Variants in RIMS4 observed in about 807,000 individuals in gnomAD.
The protein encoded by RIMS4 is regulating synaptic membrane exocytosis protein 4.
RIMS4 carries 9 observed loss-of-function variants against 29.0 expected under a neutral mutation model. The ratio of observed to expected loss-of-function variants is 0.31; its 90% CI spans 0.19 to 0.54. RIMS4 has a LOEUF of 0.54. RIMS4 is among the 20% of genes least tolerant of loss of function. The probability of loss-of-function intolerance (pLI) is 0.94; values close to 1 mark genes in which losing one functional copy is unlikely to be tolerated. For missense variants in RIMS4, 193 were observed against 365.7 expected (o/e 0.53, Z 3.85); for synonymous variants, 130 against 152.9 (o/e 0.85, Z 1.10).
intron 2 of RIMS4, among the ~76,000 whole-genome samples, chr20:44,764,260 A>ATCCATCCATCTATCCATCCATC (rs1555859479): frequency 6.6e-6 from 1 of 151,786 alleles, no homozygotes; most frequent in Non-Finnish European, 1.5e-5. Context: ...CCATCCTCCC[A>ATCCATCCATCTATCCATCCATC]CAAACTCACC....
At chr20:44,800,659 C>T (rs2066274014) in intron 1 of RIMS4, among the ~76,000 whole-genome samples, 2 of 152,082 alleles carry the variant, frequency 1.3e-5, no homozygotes, top group East Asian at 1.9e-4. Flanking sequence ...AAAGGAGGAA[C>T]TGGAGGGCCT....
chr20:44,802,505 C>T (rs1324501673), intron 1 of RIMS4, among the ~76,000 whole-genome samples: 2 of 152,186 alleles, frequency 1.3e-5, no homozygotes, highest in Non-Finnish European at 2.9e-5. Flanking sequence ...GGGTCTCTCA[C>T]ACCTACATCA....
chr20:44,778,553 T>C (rs1349490688), intron 1 of RIMS4, among the ~76,000 whole-genome samples: 4 of 152,216 alleles, frequency 2.6e-5, no homozygotes, highest in African/African-American at 9.6e-5. Flanking sequence ...TAGTCCCAGC[T>C]ACTCAGGAGG....
At chr20:44,781,476 T>C (rs1217208348) in intron 1 of RIMS4, among the ~76,000 whole-genome samples, 2 of 152,208 alleles carry the variant, frequency 1.3e-5, no homozygotes, top group South Asian at 2.1e-4. Flanking sequence ...TCATTGTACA[T>C]GCAAGCACTA....
At chr20:44,764,066 T>TC (rs2066098535) in intron 2 of RIMS4, among the ~76,000 whole-genome samples, 1 of 70,838 alleles carries the variant, frequency 1.4e-5, no homozygotes, top group African/African-American at 6.3e-5. Context: ...ATCCATCCAT[T>TC]TATCCATCCA....
chr20:44,752,795 A>T lies in RIMS4; in HGVS notation c.*3339T>A, dbSNP rs953836059. 1 of 152,162 alleles carries T rather than the reference A, an allele frequency of 6.6e-6. No individual in the cohort carries two copies. Among genetic ancestry groups the T allele is most frequent in the Non-Finnish European group, 1.5e-5 (1 of 68,120 alleles). 9.4% of individuals were successfully genotyped at this position (152,162 alleles called of 1,614,324 possible). Reference sequence around the variant, plus strand: ...CCCAGGCAGGAGCTGGTGTTTCCTAACTCTCCCTCCAGTTGGTCCTGAAGA... The same window carrying T: ...CCCAGGCAGGAGCTGGTGTTTCCTATCTCTCCCTCCAGTTGGTCCTGAAGA... On this transcript the variant is annotated 3_prime_UTR_variant, in exon 6 of 6. Coordinates refer to ENST00000372851, the MANE Select transcript of RIMS4 (RefSeq NM_182970.4).
intron 2 of RIMS4, among the ~76,000 whole-genome samples, chr20:44,767,112 A>G (rs1286190002): frequency 2.0e-5 from 3 of 152,226 alleles, no homozygotes; most frequent in South Asian, 4.1e-4. Context: ...TCTCTCCCAC[A>G]TGCTCCTCTG....
intron 1 of RIMS4, among the ~76,000 whole-genome samples, chr20:44,794,169 G>A (rs964816872): frequency 5.3e-5 from 8 of 152,228 alleles, no homozygotes; most frequent in African/African-American, 1.9e-4. Flanking sequence ...AGGTTTATAA[G>A]GGGTGATTCC....
intron 1 of RIMS4, among the ~76,000 whole-genome samples, chr20:44,779,959 G>A (rs1320575655): frequency 6.6e-6 from 1 of 152,154 alleles, no homozygotes; most frequent in African/African-American, 2.4e-5. Context: ...CTGTATATCT[G>A]GCTCACATTT....
intron 1 of RIMS4, among the ~76,000 whole-genome samples, chr20:44,789,645 C>T (rs1303781875): frequency 1.3e-5 from 2 of 152,174 alleles, no homozygotes; most frequent in African/African-American, 4.8e-5. Flanking sequence ...TAACCTTAAA[C>T]TTCTGGGCTC....
intron 2 of RIMS4, among the ~76,000 whole-genome samples, chr20:44,764,158 CCATCCATCCAT>C: frequency 1.4e-5 from 2 of 146,904 alleles, no homozygotes; most frequent in African/African-American, 2.6e-5. Flanking sequence ...ATTTATCCAT[CCATCCATCCAT>C]CCATCCATCC....
intron 1 of RIMS4, among the ~76,000 whole-genome samples, chr20:44,809,501 G>C (rs1461617453): frequency 6.6e-6 from 1 of 151,946 alleles, no homozygotes; most frequent in Non-Finnish European, 1.5e-5. Flanking sequence ...TGAGGTCAGG[G>C]GCACACACCA....
At chr20:44,807,787 T>G (rs1028088485) in intron 1 of RIMS4, among the ~76,000 whole-genome samples, 1 of 152,124 alleles carries the variant, frequency 6.6e-6, no homozygotes, top group African/African-American at 2.4e-5. Flanking sequence ...TCACCAGACA[T>G]TCATTATTTT....
intron 2 of RIMS4, among the ~76,000 whole-genome samples, chr20:44,761,251 G>A (rs192316185): frequency 3.9e-4 from 59 of 152,254 alleles, no homozygotes; most frequent in African/African-American, 1.2e-3. Context: ...GGTCAATACT[G>A]TTACTGGGCC....
At chr20:44,757,801 G>A (rs376500566) in intron 3 of RIMS4, 30 bp from the exon 4 acceptor site, 117 of 1,577,882 alleles carry the variant, frequency 7.4e-5, no homozygotes, top group Non-Finnish European at 9.6e-5. Context: ...ATGAGACTGG[G>A]AAATGGTTCA....
intron 1 of RIMS4, among the ~76,000 whole-genome samples, chr20:44,778,765 T>C (rs2066171283): frequency 1.3e-5 from 2 of 152,234 alleles, no homozygotes; most frequent in Admixed American, 6.5e-5. Context: ...CATGGCCTAA[T>C]GGTTAAAAGC....
intron 1 of RIMS4, among the ~76,000 whole-genome samples, chr20:44,802,214 T>C (rs1555301): frequency 0.4 from 61,448 of 152,010 alleles, 12,919 homozygotes; most frequent in East Asian, 0.52. Flanking sequence ...GGGTTAAACA[T>C]GCACTCTCAT....
Position 44,771,269 on chromosome 20 carries a change from A to T in RIMS4, c.236+6T>A. On this transcript the variant is annotated splice_donor_region_variant and intron_variant, in intron 2 of 5. Transcript: ENST00000372851. ...GAACCAGGAGGGCTGGTGGCCCCAC[A>T]CTTACTTGCCCTCTGAGCCATAGCT... The T allele has an allele frequency of 7.5e-6, 12 of 1,601,356 alleles. No homozygotes were observed. The highest frequency in any genetic ancestry group is 1.0e-5 in the Non-Finnish European group (12 of 1,169,616).
rs1302027474 is a variant in RIMS4, at chr20:44,755,960, A to G, written c.*174T>C. 8.7e-6 allele frequency: 5 copies of G among 573,002 alleles called. No homozygotes were observed. The highest frequency in any genetic ancestry group is 1.6e-5 in the Non-Finnish European group (5 of 322,134). The allele number at this position is 573,002 out of a possible 1,614,324, so 35.5% of individuals were successfully genotyped here. On this transcript the variant is annotated 3_prime_UTR_variant, in exon 6 of 6. Transcript: ENST00000372851. Reference sequence around the variant, plus strand: ...TTGGGAGAGGGGAGGTCTCGGGGGTAGGAGGCAAAGAAGGGGTGAGGAGGG... The same window carrying G: ...TTGGGAGAGGGGAGGTCTCGGGGGTGGGAGGCAAAGAAGGGGTGAGGAGGG...
Sources: gnomAD v4.1 joint callset for allele counts (sites outside exome capture counted in the v4.1 genomes callset) on GRCh38, gnomAD v4.1.1 for gene constraint, MANE v1.5 for transcripts, NCBI Gene and HGNC (gene_info 2026-07-23, HGNC 2026-07-21) for gene names.